SYCP1: variants seen among roughly 807,000 people sequenced by gnomAD.
SYCP1 encodes the protein synaptonemal complex protein 1.
In SYCP1, 64 loss-of-function variants were observed where a neutral mutation model predicts 153.1. That is an observed-to-expected ratio of 0.42 (90% CI 0.34 to 0.51). SYCP1 has a LOEUF of 0.51. Ranked by LOEUF, SYCP1 falls within the 20% of genes least tolerant of loss-of-function variation. The probability of loss-of-function intolerance (pLI) is 0.06; values close to 1 mark genes in which losing one functional copy is unlikely to be tolerated. For missense variants in SYCP1, 997 were observed against 1,049.0 expected (o/e 0.95, Z 0.68); for synonymous variants, 384 against 341.8 (o/e 1.12, Z -1.36).
intron 8 of SYCP1, 51 bp downstream of exon 8, chr1:114,860,860 G>C: frequency 7.5e-7 from 1 of 1,325,106 alleles, no homozygotes; most frequent in Non-Finnish European, 1.0e-6. Flanking sequence ...TTTACTGGTA[G>C]AGGTGGAGAG....
chr1:114,927,479 G>T (rs965270016), intron 23 of SYCP1, among the ~76,000 whole-genome samples: 4 of 152,112 alleles, frequency 2.6e-5, no homozygotes, highest in African/African-American at 4.8e-5. Flanking sequence ...TTCAAAGACA[G>T]AAAGGAAAAT....
At chr1:114,988,214 G>T (rs962389329) in intron 30 of SYCP1, among the ~76,000 whole-genome samples, 1 of 150,808 alleles carries the variant, frequency 6.6e-6, no homozygotes, top group African/African-American at 2.4e-5. Context: ...AGGAAGAGGT[G>T]GGGGGGTAGA....
At chr1:114,864,849 GTTTTATTTTAT>G (rs1164101896) in intron 8 of SYCP1, among the ~76,000 whole-genome samples, 3 of 151,892 alleles carry the variant, frequency 2.0e-5, no homozygotes, top group Non-Finnish European at 4.4e-5. Context: ...ATTCTTGTCT[GTTTTATTTTAT>G]TTTTATTTTA....
rs547114877 is a variant in SYCP1, at chr1:114,855,617, G to A, written c.108+45G>A. 8.4e-6 allele frequency: 12 copies of A among 1,428,396 alleles called. 1 individual carries two copies. The South Asian group carries it at 1.5e-4, about 18-fold the overall frequency. 88.5% of individuals were successfully genotyped at this position (1,428,396 alleles called of 1,614,324 possible). On this transcript the variant is annotated intron_variant, in intron 2 of 31. Transcript: ENST00000369522. ...TTAATTGGACTCTTCTTAACTTTAG[G>A]GAAATGAAGAAAAGTGTACTTTCTT...
intron 30 of SYCP1, among the ~76,000 whole-genome samples, chr1:114,993,279 T>A (rs1254061628): frequency 6.6e-6 from 1 of 151,624 alleles, no homozygotes; most frequent in Non-Finnish European, 1.5e-5. Context: ...TTGAATTCTG[T>A]TGAAATCTTA....
chr1:114,967,736 G>C (rs1385748361), intron 27 of SYCP1, among the ~76,000 whole-genome samples: 1 of 152,130 alleles, frequency 6.6e-6, no homozygotes, highest in East Asian at 1.9e-4. Context: ...GATGCTAGCT[G>C]GTTATTTTGC....
At chr1:114,858,009 A>G (rs1664130853) in intron 5 of SYCP1, among the ~76,000 whole-genome samples, 1 of 152,074 alleles carries the variant, frequency 6.6e-6, no homozygotes, top group Admixed American at 6.5e-5. Flanking sequence ...TATAAGAAAA[A>G]GTTGTCAACC....
intron 23 of SYCP1, among the ~76,000 whole-genome samples, chr1:114,930,267 A>G (rs899436151): frequency 1.3e-5 from 2 of 152,018 alleles, no homozygotes; most frequent in African/African-American, 4.8e-5. Flanking sequence ...TTATCTAGAA[A>G]CTAAAAAAGT....
chr1:114,944,196 T>C (rs980301782), intron 23 of SYCP1, 143 bp from the exon 24 acceptor site: 4 of 515,948 alleles, frequency 7.8e-6, no homozygotes, highest in African/African-American at 2.0e-5. Flanking sequence ...TCTCACCATA[T>C]GAAAATGTAA....
chr1:114,991,883 G>A (rs1673949997), intron 30 of SYCP1, among the ~76,000 whole-genome samples: 1 of 151,764 alleles, frequency 6.6e-6, no homozygotes, highest in Non-Finnish European at 1.5e-5. Context: ...CAGATGACAT[G>A]ATCTTATGCA....
At chr1:114,867,812 GA>G (rs1285293846) in intron 8 of SYCP1, among the ~76,000 whole-genome samples, 11 of 152,024 alleles carry the variant, frequency 7.2e-5, no homozygotes, top group African/African-American at 2.7e-4. Context: ...AGAATGGTGA[GA>G]GGGGACATCC....
intron 3 of SYCP1, among the ~76,000 whole-genome samples, chr1:114,856,872 G>T (rs1298915442): frequency 2.2e-5 from 3 of 138,380 alleles, no homozygotes; most frequent in Admixed American, 7.7e-5. Flanking sequence ...ATCACTTGAG[G>T]CCAGGTGTTT....
chr1:114,934,857 C>G (rs1035570370), intron 23 of SYCP1, among the ~76,000 whole-genome samples: 2 of 152,160 alleles, frequency 1.3e-5, no homozygotes, highest in Non-Finnish European at 2.9e-5. Flanking sequence ...GAAGAGCTAA[C>G]CATCCTAAAT....
intron 27 of SYCP1, among the ~76,000 whole-genome samples, chr1:114,957,747 C>T (rs1671531005): frequency 6.6e-6 from 1 of 152,160 alleles, no homozygotes; most frequent in Non-Finnish European, 1.5e-5. Flanking sequence ...TAACCTCACA[C>T]CTATTAGGAT....
At chr1:114,854,598 C>T (rs1663808400), upstream of SYCP1, among the ~76,000 whole-genome samples, 1 of 152,178 alleles carries the variant, frequency 6.6e-6, no homozygotes, top group African/African-American at 2.4e-5. Flanking sequence ...AATTGTTTGC[C>T]CATCTGTTTC....
At chr1:114,921,069 T>G (rs1196785869) in intron 20 of SYCP1, among the ~76,000 whole-genome samples, 2 of 152,094 alleles carry the variant, frequency 1.3e-5, no homozygotes, top group African/African-American at 4.8e-5. Context: ...TTCCTTCATG[T>G]TTTCCTTTTA....
intron 29 of SYCP1, among the ~76,000 whole-genome samples, chr1:114,982,772 C>G (rs1185734746): frequency 1.3e-5 from 2 of 151,836 alleles, no homozygotes; most frequent in African/African-American, 4.8e-5. Flanking sequence ...TTGGGCCATA[C>G]TTTCTTCTTT....
intron 15 of SYCP1, 55 bp from the exon 16 acceptor site, chr1:114,895,392 CT>C (rs1666990987): frequency 3.4e-6 from 4 of 1,191,514 alleles, no homozygotes; most frequent in South Asian, 1.5e-5. Context: ...CCTTCTGTCT[CT>C]TTTCCTATTC....
chr1:114,862,719 A>G (rs1433794065), intron 8 of SYCP1, among the ~76,000 whole-genome samples: 3 of 152,148 alleles, frequency 2.0e-5, no homozygotes, highest in Admixed American at 1.3e-4. Context: ...ACATTTTTCA[A>G]GGTGGTCTCT....
Sources: allele counts gnomAD v4.1 joint callset (sites outside exome capture counted in the v4.1 genomes callset), GRCh38; gene constraint gnomAD v4.1.1; transcripts MANE v1.5; gene names NCBI Gene and HGNC (gene_info 2026-07-23, HGNC 2026-07-21).